ARID2: variants seen among roughly 807,000 people sequenced by gnomAD.
ARID2 encodes AT-rich interaction domain 2.
A neutral mutation model predicts 184.6 loss-of-function variants in ARID2; 32 were observed. The observed-to-expected ratio is 0.17, with a 90% confidence interval of 0.13 to 0.23. The LOEUF (loss-of-function observed/expected upper bound fraction) is 0.23, where lower values mean the gene tolerates loss of function less well. Among genes scored for constraint, ARID2 ranks in the 10% least tolerant of loss-of-function variants. The pLI is 1.00. For missense variants in ARID2, 1,696 were observed against 2,197.6 expected, an observed-to-expected ratio of 0.77 and a Z score of 4.56; for synonymous variants, 836 against 772.6, an observed-to-expected ratio of 1.08 and a Z score of -1.36.
intron 20 of ARID2, among the ~76,000 whole-genome samples, chr12:45,895,866 A>G (rs913643889): frequency 1.1e-4 from 16 of 152,198 alleles, no homozygotes; most frequent in African/African-American, 3.1e-4. Context: ...CAAAAAGAGT[A>G]AAATACTTAG....
intron 3 of ARID2, among the ~76,000 whole-genome samples, chr12:45,808,997 C>T (rs963637673): frequency 6.6e-6 from 1 of 152,006 alleles, no homozygotes; most frequent in South Asian, 2.1e-4. Context: ...AACTCTTGGC[C>T]TCAAGAGATA....
At chr12:45,816,677 C>T (rs1374251064) in intron 4 of ARID2, among the ~76,000 whole-genome samples, 1 of 152,134 alleles carries the variant, frequency 6.6e-6, no homozygotes, top group African/African-American at 2.4e-5. Flanking sequence ...ATCTAAACGT[C>T]CCTCAACTAG....
At chr12:45,840,187 C>G (rs1289015502) in intron 11 of ARID2, 5 of 152,120 alleles carry the variant, frequency 3.3e-5, no homozygotes, top group African/African-American at 9.7e-5. Context: ...TTGGTTTATA[C>G]TAAAAATACA....
At chr12:45,860,349 A>G (rs1017959833) in intron 15 of ARID2, among the ~76,000 whole-genome samples, 4 of 152,204 alleles carry the variant, frequency 2.6e-5, no homozygotes, top group Non-Finnish European at 5.9e-5. Context: ...TAAAATTTTC[A>G]TTGCTTTTTA....
chr12:45,900,046 T>C (rs147072088), intron 20 of ARID2, among the ~76,000 whole-genome samples: 5 of 151,958 alleles, frequency 3.3e-5, no homozygotes, highest in South Asian at 4.2e-4. Flanking sequence ...TATACTATTA[T>C]GTTTTTCTTT....
chr12:45,771,494 G>T (rs899378298), intron 3 of ARID2, among the ~76,000 whole-genome samples: 5 of 145,502 alleles, frequency 3.4e-5, no homozygotes, highest in Non-Finnish European at 6.0e-5. Context: ...GTAAGACTCT[G>T]TTTTTACAAA....
chr12:45,885,352 C>T (rs1944168875), intron 16 of ARID2, among the ~76,000 whole-genome samples: 1 of 151,776 alleles, frequency 6.6e-6, no homozygotes, highest in Admixed American at 6.6e-5. Flanking sequence ...GATGTATAGT[C>T]TCACATATAC....
At position 45,850,020 on chromosome 12, in the gene ARID2, T is replaced by C. The variant is rs764234211; in HGVS notation, c.1913-16T>C. 2 of 1,566,784 alleles carry C rather than the reference T, an allele frequency of 1.3e-6. No individual in the cohort carries two copies. The highest frequency in any genetic ancestry group is 1.2e-5 in the South Asian group (1 of 83,480). On this transcript the variant is annotated splice_polypyrimidine_tract_variant and intron_variant, in intron 14 of 20. Coordinates refer to ENST00000334344, the MANE Select transcript of ARID2 (RefSeq NM_152641.4). ...TCATTTCATTTGGAATTTTGACGTTTTCTTCATATTTTCAGGAATCCCTCA... is the reference window on the plus strand; with the variant it reads ...TCATTTCATTTGGAATTTTGACGTTCTCTTCATATTTTCAGGAATCCCTCA...
intron 16 of ARID2, among the ~76,000 whole-genome samples, chr12:45,865,102 G>A (rs1213728418): frequency 6.6e-6 from 1 of 152,142 alleles, no homozygotes; most frequent in Non-Finnish European, 1.5e-5. Flanking sequence ...GGATTTCCCA[G>A]GTCCTTTGGT....
intron 3 of ARID2, among the ~76,000 whole-genome samples, chr12:45,744,129 T>C (rs1941315361): frequency 6.6e-6 from 1 of 152,218 alleles, no homozygotes; most frequent in Non-Finnish European, 1.5e-5. Flanking sequence ...AGTATATCCA[T>C]GCAATGTTAA....
At chr12:45,737,242 C>CTT (rs1362371205) in intron 3 of ARID2, among the ~76,000 whole-genome samples, 7 of 152,104 alleles carry the variant, frequency 4.6e-5, no homozygotes, top group Non-Finnish European at 8.8e-5. Flanking sequence ...CCATGAATAT[C>CTT]TAAGTCAGCG....
intron 3 of ARID2, among the ~76,000 whole-genome samples, chr12:45,762,855 G>C (rs1214887734): frequency 6.6e-6 from 1 of 152,178 alleles, no homozygotes. Flanking sequence ...AAGAGAACAA[G>C]TTTATCTTTA....
chr12:45,840,994 C>T (rs1032829895), intron 11 of ARID2: 5 of 152,066 alleles, frequency 3.3e-5, no homozygotes, highest in East Asian at 1.9e-4. Flanking sequence ...GTTAAACAGC[C>T]GATTTATATT....
chr12:45,848,732 A>C, intron 12 of ARID2, 104 bp from the exon 13 acceptor site: 1 of 928,522 alleles, frequency 1.1e-6, no homozygotes, highest in Non-Finnish European at 1.5e-6. Context: ...ATTAGTAGGT[A>C]TAATTATTAG....
rs2138162040 is a variant in ARID2, at chr12:45,850,446, T to A, written c.2323T>A (p.Leu775Ile). The part of the protein sequence containing the change: ...HPSVIPQQSP[L>I]HTVVPGQIPS... ...ATCTGTAATTCCACAGCAGTCTCCA[T>A]TACACACAGTGGTACCAGGACAGAT... Residue 775 changes from leucine to isoleucine, a missense_variant, in exon 15 of 21, where the codon TTA (leucine) becomes ATA (isoleucine). Transcript: ENST00000334344. 1 of 1,614,016 alleles carries A rather than the reference T, an allele frequency of 6.2e-7. No individual in the cohort carries two copies.
At chr12:45,856,067 C>CTTTTTTTTTTTTTTTTTTTTT (rs930473740) in intron 15 of ARID2, among the ~76,000 whole-genome samples, 65 of 74,630 alleles carry the variant, frequency 8.7e-4, no homozygotes, top group African/African-American at 1.1e-3. Flanking sequence ...TTCTTCTTTT[C>CTTTTTTTTTTTTTTTTTTTTT]TTTTTTTTTT....
At chr12:45,834,442 A>G (rs376126574) in intron 6 of ARID2, among the ~76,000 whole-genome samples, 11 of 152,122 alleles carry the variant, frequency 7.2e-5, no homozygotes, top group African/African-American at 1.2e-4. Context: ...AAAAAATTCT[A>G]TGTTGGCAGG....
intron 3 of ARID2, among the ~76,000 whole-genome samples, chr12:45,777,133 G>T (rs1477282199): frequency 1.3e-5 from 2 of 151,720 alleles, no homozygotes; most frequent in African/African-American, 4.8e-5. Context: ...TATAAAAAAG[G>T]AAACTTTAAA....
chr12:45,750,030 A>G (rs1941430985), intron 3 of ARID2, among the ~76,000 whole-genome samples: 1 of 152,190 alleles, frequency 6.6e-6, no homozygotes. Context: ...TACATTCACA[A>G]CATAGCTAAA....
Sources: gnomAD v4.1 joint callset for allele counts (sites outside exome capture counted in the v4.1 genomes callset) on GRCh38, gnomAD v4.1.1 for gene constraint, MANE v1.5 for transcripts, NCBI Gene and HGNC (gene_info 2026-07-23, HGNC 2026-07-21) for gene names.